SLIT2: variants seen among roughly 807,000 people sequenced by gnomAD.
The protein encoded by SLIT2 is slit guidance ligand 2.
SLIT2 carries 41 observed loss-of-function variants against 185.7 expected under a neutral mutation model. The ratio of observed to expected loss-of-function variants is 0.22; its 90% CI spans 0.17 to 0.29. SLIT2 has a LOEUF of 0.29. Among genes scored for constraint, SLIT2 ranks in the 10% least tolerant of loss-of-function variants. The pLI, the probability that SLIT2 is intolerant of heterozygous loss-of-function variation, is 1.00. For missense variants in SLIT2, 1,571 were observed against 1,909.0 expected (o/e 0.82, Z 3.30); for synonymous variants, 693 against 680.2 (o/e 1.02, Z -0.29).
intron 5 of SLIT2, among the ~76,000 whole-genome samples, chr4:20,472,449 TATAG>T (rs1372908736): frequency 4.2e-5 from 3 of 70,718 alleles, no homozygotes; most frequent in Non-Finnish European, 7.5e-5. Context: ...TATATATCTA[TATAG>T]ATATATCTAT....
intron 8 of SLIT2, among the ~76,000 whole-genome samples, chr4:20,489,472 C>T (rs1034949511): frequency 1.3e-4 from 20 of 152,158 alleles, no homozygotes; most frequent in African/African-American, 4.8e-4. Context: ...GCTTTAATAA[C>T]AAACATCTAA....
chr4:20,298,434 TTCCAGAA>T (rs1245571913), intron 4 of SLIT2, among the ~76,000 whole-genome samples: 1 of 152,170 alleles, frequency 6.6e-6, no homozygotes, highest in African/African-American at 2.4e-5. Context: ...TTATAGGAAT[TTCCAGAA>T]GGCACTAATT....
chr4:20,605,024 C>T (rs570231805), intron 33 of SLIT2, among the ~76,000 whole-genome samples: 10 of 151,708 alleles, frequency 6.6e-5, no homozygotes, highest in Admixed American at 6.6e-5. Flanking sequence ...TTACTAGAGA[C>T]GGGGTTTCGC....
chr4:20,480,966 T>A (rs975387247), intron 6 of SLIT2, among the ~76,000 whole-genome samples, 179 bp downstream of exon 6: 7 of 152,142 alleles, frequency 4.6e-5, no homozygotes, highest in African/African-American at 1.7e-4. Context: ...AAACCTTGCG[T>A]ACCATATCTG....
intron 4 of SLIT2, among the ~76,000 whole-genome samples, chr4:20,362,762 G>T (rs1248993740): frequency 6.6e-6 from 1 of 151,682 alleles, no homozygotes; most frequent in Admixed American, 6.6e-5. Context: ...TATTCTGGAA[G>T]GTTTTGCTTC....
chr4:20,517,698 CTTTA>C (rs1242396856), intron 11 of SLIT2, among the ~76,000 whole-genome samples: 2 of 152,024 alleles, frequency 1.3e-5, no homozygotes, highest in African/African-American at 2.4e-5. Context: ...TAGCACCCGG[CTTTA>C]TTTATTCCTT....
At position 20,619,754 on chromosome 4, in the gene SLIT2, TA is replaced by T. The variant is rs1729946032; in HGVS notation, c.*746del. The stretch of plus-strand genomic sequence containing the variant: ...TTTCTATGAGTTCTAAACAGCCCTA[TA>T]CAGTATTCAGTTTCCATGAGAAATA... On this transcript the variant is annotated 3_prime_UTR_variant, in exon 37 of 37. Coordinates refer to ENST00000504154, the MANE Select transcript of SLIT2 (RefSeq NM_004787.4). 6.6e-6 allele frequency: 1 copy of T among 152,138 alleles called. No homozygotes were observed. Among genetic ancestry groups the T allele is most frequent in the African/African-American group, 2.4e-5 (1 of 41,408 alleles). The allele number at this position is 152,138 out of a possible 1,614,324, so 9.4% of individuals were successfully genotyped here.
chr4:20,291,447 C>CTT (rs1445810616), intron 4 of SLIT2, among the ~76,000 whole-genome samples: 6 of 50,254 alleles, frequency 1.2e-4, no homozygotes, highest in African/African-American at 4.5e-4. Context: ...TAAGAAACCT[C>CTT]ATATATATAT....
At chr4:20,565,698 AG>A (rs986788359) in intron 26 of SLIT2, among the ~76,000 whole-genome samples, 1 of 151,954 alleles carries the variant, frequency 6.6e-6, no homozygotes, top group Admixed American at 6.6e-5. Flanking sequence ...GCACTGGCAC[AG>A]TCTCTCCTAG....
intron 33 of SLIT2, among the ~76,000 whole-genome samples, chr4:20,602,775 C>G (rs954909100): frequency 6.6e-6 from 1 of 152,228 alleles, no homozygotes; most frequent in African/African-American, 2.4e-5. Context: ...ATGCTTGATG[C>G]TCACATTGAA....
At chr4:20,365,496 G>A (rs920123272) in intron 4 of SLIT2, among the ~76,000 whole-genome samples, 3 of 152,126 alleles carry the variant, frequency 2.0e-5, no homozygotes, top group Non-Finnish European at 4.4e-5. Flanking sequence ...GGAATGGGGC[G>A]TGAGTAACGG....
intron 4 of SLIT2, among the ~76,000 whole-genome samples, chr4:20,399,349 A>G (rs1011483755): frequency 1.3e-5 from 2 of 151,672 alleles, no homozygotes; most frequent in Admixed American, 1.3e-4. Flanking sequence ...TAAGTCTAGA[A>G]CCAGTCAGGG....
chr4:20,291,470 A>AAATCCAGCATGCACTCTGACCAT (rs1715834769), intron 4 of SLIT2, among the ~76,000 whole-genome samples: 1 of 11,324 alleles, frequency 8.8e-5, no homozygotes. Context: ...ATATATATAT[A>AAATCCAGCATGCACTCTGACCAT]TATATATATA....
At chr4:20,379,838 C>T (rs751841837) in intron 4 of SLIT2, among the ~76,000 whole-genome samples, 5 of 151,970 alleles carry the variant, frequency 3.3e-5, no homozygotes, top group African/African-American at 1.2e-4. Flanking sequence ...CAAAACAGTG[C>T]GGGGAAGGGG....
At chr4:20,501,983 A>G (rs1311089877) in intron 9 of SLIT2, among the ~76,000 whole-genome samples, 2 of 152,092 alleles carry the variant, frequency 1.3e-5, no homozygotes, top group African/African-American at 4.8e-5. Context: ...TTTTTTTTGC[A>G]ACTTATTTCT....
chr4:20,269,401 G>A (rs1267698698), intron 4 of SLIT2, among the ~76,000 whole-genome samples: 1 of 151,810 alleles, frequency 6.6e-6, no homozygotes. Flanking sequence ...CAATATGAAT[G>A]ACTGTATGGC....
At chr4:20,426,399 G>C (rs368415988) in intron 4 of SLIT2, among the ~76,000 whole-genome samples, 2 of 152,118 alleles carry the variant, frequency 1.3e-5, no homozygotes, top group East Asian at 1.9e-4. Flanking sequence ...AAAATAGGGA[G>C]TTTTGTATAA....
intron 3 of SLIT2, among the ~76,000 whole-genome samples, chr4:20,265,554 G>A (rs1044535785): frequency 6.6e-6 from 1 of 151,732 alleles, no homozygotes; most frequent in Non-Finnish European, 1.5e-5. Flanking sequence ...AAACAGAAAC[G>A]TATCTGGTGG....
intron 4 of SLIT2, among the ~76,000 whole-genome samples, chr4:20,415,695 A>G (rs750370761): frequency 6.6e-6 from 1 of 152,078 alleles, no homozygotes; most frequent in Non-Finnish European, 1.5e-5. Context: ...ATAGCTATCA[A>G]TATGTTTTGG....
Sources: gnomAD v4.1 joint callset for allele counts (sites outside exome capture counted in the v4.1 genomes callset) on GRCh38, gnomAD v4.1.1 for gene constraint, MANE v1.5 for transcripts, NCBI Gene and HGNC (gene_info 2026-07-23, HGNC 2026-07-21) for gene names.